The following POR variants were observed in gnomAD, a reference collection of about 807,000 sequenced individuals.
POR encodes the protein NADPH--cytochrome P450 reductase.
Under a neutral mutation model 84.0 loss-of-function variants are expected in POR, and 56 were observed. The observed-to-expected ratio is 0.67, with a 90% CI of 0.54 to 0.83. The LOEUF (loss-of-function observed/expected upper bound fraction) is 0.83, where lower values mean the gene tolerates loss of function less well. Ranked by LOEUF, POR falls within the 40% of genes least tolerant of loss-of-function variation. POR has a pLI of 0.00. For missense variants in POR, 938 were observed against 944.3 expected (o/e 0.99, Z 0.09); for synonymous variants, 414 against 400.5 (o/e 1.03, Z -0.40).
chr7:75,923,190 G>A (rs1806959544), intron 1 of POR: 2 of 1,153,534 alleles, frequency 1.7e-6, no homozygotes, highest in Non-Finnish European at 2.6e-6. Flanking sequence ...CCAAGGTCAA[G>A]AATAAGACCA....
chr7:75,986,525 CA>C lies in POR; in HGVS notation c.*45del. ...CACCCCACAGACTCCGGCCTGTAAT[CA>C]GCTCTCCTGGCTCCCTCCCGTAGTC... On this transcript the variant is annotated 3_prime_UTR_variant, in exon 16 of 16. Transcript: ENST00000461988. 6.3e-7 allele frequency: 1 copy of C among 1,589,536 alleles called. No homozygotes were observed. The highest frequency in any genetic ancestry group is 8.5e-7 in the Non-Finnish European group (1 of 1,173,554).
At chr7:75,981,931 C>T in intron 7 of POR, 4 of 567,422 alleles carry the variant, frequency 7.0e-6, no homozygotes, top group Middle Eastern at 4.7e-4. Context: ...TCTCTGTGCC[C>T]TTGATGGCCC....
At chr7:75,950,445 G>T (rs1293063310) in intron 1 of POR, among the ~76,000 whole-genome samples, 1 of 152,202 alleles carries the variant, frequency 6.6e-6, no homozygotes, top group African/African-American at 2.4e-5. Context: ...CAGGGAGCGC[G>T]AGTTTCTTGG....
At chr7:75,943,876 C>T (rs782496982) in intron 1 of POR, 3 of 509,440 alleles carry the variant, frequency 5.9e-6, no homozygotes, top group Non-Finnish European at 1.2e-5. Flanking sequence ...AAGGGCTGCG[C>T]GTCTCCTGTG....
intron 1 of POR, among the ~76,000 whole-genome samples, chr7:75,929,197 A>G (rs1807293382): frequency 6.6e-6 from 1 of 152,126 alleles, no homozygotes; most frequent in Non-Finnish European, 1.5e-5. Flanking sequence ...CACATTCTAG[A>G]ATTTAAACAC....
At chr7:75,932,217 T>C (rs1807454883) in intron 1 of POR, among the ~76,000 whole-genome samples, 1 of 151,676 alleles carries the variant, frequency 6.6e-6, no homozygotes, top group Non-Finnish European at 1.5e-5. Context: ...TCTGTCTCTG[T>C]CTGCCCAGGC....
At chr7:75,942,208 C>T (rs147048835) in intron 1 of POR, among the ~76,000 whole-genome samples, 81 of 152,214 alleles carry the variant, frequency 5.3e-4, no homozygotes, top group African/African-American at 2.0e-3. Context: ...GTCTGGGTGA[C>T]AAAGCAAGAC....
chr7:75,935,279 A>G (rs528669569), intron 1 of POR, among the ~76,000 whole-genome samples: 9 of 152,032 alleles, frequency 5.9e-5, no homozygotes, highest in African/African-American at 2.2e-4. Flanking sequence ...TCCCAGCACT[A>G]TGGGAGGCCG....
chr7:75,974,248 G>A (rs1788571111), intron 3 of POR, among the ~76,000 whole-genome samples: 1 of 152,142 alleles, frequency 6.6e-6, no homozygotes. Flanking sequence ...TGGAATTGCT[G>A]GATTGGAAGG....
chr7:75,922,758 G>T, intron 1 of POR: 1 of 437,590 alleles, frequency 2.3e-6, no homozygotes, highest in Non-Finnish European at 4.2e-6. Context: ...TAGAAAGATG[G>T]CAAAGCAGGA....
intron 2 of POR, among the ~76,000 whole-genome samples, chr7:75,971,257 G>A (rs1467471691): frequency 1.3e-5 from 2 of 151,938 alleles, no homozygotes; most frequent in African/African-American, 2.4e-5. Flanking sequence ...CACTATGCCC[G>A]ACCAAAAATG....
chr7:75,953,127 G>A (rs1302690409), intron 1 of POR, among the ~76,000 whole-genome samples: 1 of 152,142 alleles, frequency 6.6e-6, no homozygotes, highest in Non-Finnish European at 1.5e-5. Context: ...GACCAGCCCG[G>A]CCAACACAGC....
Position 75,985,740 on chromosome 7 carries a change from G to C in POR, c.1560G>C (p.Gln520His). Residue 520 changes from glutamine to histidine, a missense_variant, in exon 13 of 16, where the codon CAG becomes CAC. Coordinates refer to ENST00000461988, the MANE Select transcript of POR (RefSeq NM_000941.3). ...TGCCCATGTTCGTGCGCAAGTCCCAGTTCCGCCTGCCCTTCAAGGCCACCA... is the reference window on the plus strand; with the variant it reads ...TGCCCATGTTCGTGCGCAAGTCCCACTTCCGCCTGCCCTTCAAGGCCACCA... 6.3e-7 allele frequency: 1 copy of C among 1,586,540 alleles called. No homozygotes were observed. The highest frequency in any genetic ancestry group is 1.2e-5 in the South Asian group (1 of 86,736).
intron 7 of POR, chr7:75,981,861 CA>C: frequency 1.7e-6 from 1 of 579,374 alleles, no homozygotes; most frequent in Non-Finnish European, 3.1e-6. Context: ...TCAACTTTGG[CA>C]AAAGGGCTCA....
At chr7:75,924,801 T>C (rs1312629138) in intron 1 of POR, among the ~76,000 whole-genome samples, 2 of 152,186 alleles carry the variant, frequency 1.3e-5, no homozygotes, top group African/African-American at 4.8e-5. Context: ...GTGTAACCGT[T>C]GAGTGTCTGC....
At chr7:75,984,615 C>T (rs1789293023) in intron 10 of POR, among the ~76,000 whole-genome samples, 162 bp from the exon 11 acceptor site, 2 of 152,148 alleles carry the variant, frequency 1.3e-5, no homozygotes, top group African/African-American at 2.4e-5. Flanking sequence ...AGACTTGGCC[C>T]CAGGGCCAGG....
chr7:75,982,654 T>C (rs1232028792), intron 8 of POR, among the ~76,000 whole-genome samples: 2 of 152,116 alleles, frequency 1.3e-5, no homozygotes, highest in East Asian at 1.9e-4. Flanking sequence ...TCTCCATAGA[T>C]AGACTTGGGG....
At chr7:75,916,340 G>A (rs1030481317) in intron 1 of POR, among the ~76,000 whole-genome samples, 1 of 152,180 alleles carries the variant, frequency 6.6e-6, no homozygotes, top group Non-Finnish European at 1.5e-5. Flanking sequence ...CTTGCTTTAT[G>A]GAGAAGGCAT....
At chr7:75,940,598 T>A (rs1554551392) in intron 1 of POR, among the ~76,000 whole-genome samples, 1 of 150,246 alleles carries the variant, frequency 6.7e-6, no homozygotes. Context: ...TCCTGGCTAA[T>A]ATGGTGAAAC....
Sources: gnomAD v4.1 joint callset for allele counts (sites outside exome capture counted in the v4.1 genomes callset) on GRCh38, gnomAD v4.1.1 for gene constraint, MANE v1.5 for transcripts, NCBI Gene and HGNC (gene_info 2026-07-23, HGNC 2026-07-21) for gene names.